Variants in CBLN2 observed in about 807,000 individuals in gnomAD.
CBLN2 encodes the protein cerebellin-2.
A neutral mutation model predicts 15.0 loss-of-function variants in CBLN2; 7 were observed. The observed-to-expected ratio is 0.47, with a 90% CI of 0.27 to 0.88. The LOEUF (loss-of-function observed/expected upper bound fraction) is 0.88. Ranked by LOEUF, CBLN2 falls within the 40% of genes least tolerant of loss-of-function variation. CBLN2 has a pLI of 0.14. For synonymous variants in CBLN2, 149 were observed against 135.2 expected, an observed-to-expected ratio of 1.10 and a Z score of -0.71; for missense variants, 242 against 304.5, an observed-to-expected ratio of 0.79 and a Z score of 1.53.
intron 1 of CBLN2, among the ~76,000 whole-genome samples, chr18:72,579,245 CTAA>C (rs1481996784): frequency 1.3e-5 from 2 of 152,182 alleles, no homozygotes; most frequent in Non-Finnish European, 2.9e-5. Context: ...AGAATTCCCA[CTAA>C]TGTTTTCAAA....
At chr18:72,593,828 G>C (rs955395030) in intron 1 of CBLN2, among the ~76,000 whole-genome samples, 1 of 152,116 alleles carries the variant, frequency 6.6e-6, no homozygotes. Flanking sequence ...CATATGTCAT[G>C]CATGCATAAG....
chr18:72,589,582 A>C (rs2069465931), intron 1 of CBLN2, among the ~76,000 whole-genome samples: 1 of 152,196 alleles, frequency 6.6e-6, no homozygotes. Context: ...CAGCCTAGGG[A>C]TATTAAATAA....
At chr18:72,603,612 A>G (rs75634451) in intron 1 of CBLN2, among the ~76,000 whole-genome samples, 1,815 of 152,262 alleles carry the variant, frequency 0.012, 41 homozygotes, top group African/African-American at 0.041. Flanking sequence ...TTTTCATAGA[A>G]TGTGCCTTTC....
rs567430472 is a variant in CBLN2 at position 72,583,339 on chromosome 18, C to T, written c.16-44567G>A. ...AGCTCATGTTGAACAAAAGCAGCGG[C>T]TCTTTCTTGGTTTTCTAGAGCAGAG... On this transcript the variant is annotated intron_variant, in intron 1 of 2. Transcript: ENST00000581073. Among the ~76,000 whole-genome samples the T allele has an allele frequency of 2.0e-5, 3 of 152,288 alleles. No homozygotes were observed. The East Asian group carries it at 5.8e-4, about 30-fold the overall frequency.
chr18:72,618,695 A>G (rs1397564141), intron 1 of CBLN2: 7 of 733,630 alleles, frequency 9.5e-6, no homozygotes, highest in Non-Finnish European at 1.2e-5. Flanking sequence ...GGCAGTGGCA[A>G]GAAAAGGCGC....
At chr18:72,622,134 T>C (rs1259401702) in intron 1 of CBLN2, among the ~76,000 whole-genome samples, 1 of 152,208 alleles carries the variant, frequency 6.6e-6, no homozygotes, top group Non-Finnish European at 1.5e-5. Flanking sequence ...GAAACATTTT[T>C]AAACGAAATA....
chr18:72,564,350 A>G (rs1343738496), intron 1 of CBLN2, among the ~76,000 whole-genome samples: 1 of 152,182 alleles, frequency 6.6e-6, no homozygotes, highest in Non-Finnish European at 1.5e-5. Context: ...ACAAAGGGAT[A>G]TCATAAAAAG....
chr18:72,552,050 C>T (rs773410867), intron 1 of CBLN2, among the ~76,000 whole-genome samples: 1 of 150,972 alleles, frequency 6.6e-6, no homozygotes, highest in Non-Finnish European at 1.5e-5. Flanking sequence ...GTTTTGTCAG[C>T]GTTTTCTGAA....
At chr18:72,619,841 A>T (rs1056660618) in intron 1 of CBLN2, among the ~76,000 whole-genome samples, 1 of 152,150 alleles carries the variant, frequency 6.6e-6, no homozygotes. Context: ...CCTTAATGGG[A>T]TTTGTGACAG....
chr18:72,582,867 T>C (rs2069415051), intron 1 of CBLN2, among the ~76,000 whole-genome samples: 1 of 152,186 alleles, frequency 6.6e-6, no homozygotes, highest in Non-Finnish European at 1.5e-5. Flanking sequence ...GGAATTACAA[T>C]GCTTAATTTA....
intron 1 of CBLN2, among the ~76,000 whole-genome samples, chr18:72,623,100 G>C (rs1599027907): frequency 2.0e-5 from 3 of 152,252 alleles, no homozygotes; most frequent in African/African-American, 7.2e-5. Flanking sequence ...AGAGAGCGAA[G>C]GGGGAGGTGC....
chr18:72,566,491 C>A (rs1023662806), intron 1 of CBLN2, among the ~76,000 whole-genome samples: 1 of 152,070 alleles, frequency 6.6e-6, no homozygotes, highest in Non-Finnish European at 1.5e-5. Context: ...AGGATGAAAT[C>A]CTGTCATTTG....
At chr18:72,621,746 G>A (rs971400795) in intron 1 of CBLN2, among the ~76,000 whole-genome samples, 18 of 152,128 alleles carry the variant, frequency 1.2e-4, no homozygotes, top group African/African-American at 4.1e-4. Flanking sequence ...CTCAACAAAG[G>A]AGACTGTATC....
At chr18:72,633,967 G>T (rs1021457744) in intron 1 of CBLN2, among the ~76,000 whole-genome samples, 2 of 151,872 alleles carry the variant, frequency 1.3e-5, no homozygotes, top group African/African-American at 4.8e-5. Flanking sequence ...TCACACAGGG[G>T]ACAAACTAAA....
chr18:72,607,116 G>A (rs1212956350), intron 1 of CBLN2, among the ~76,000 whole-genome samples: 1 of 152,170 alleles, frequency 6.6e-6, no homozygotes, highest in African/African-American at 2.4e-5. Context: ...ATGGTTACAG[G>A]AGAACACCCT....
At chr18:72,579,131 A>G (rs2069386998) in intron 1 of CBLN2, among the ~76,000 whole-genome samples, 1 of 152,204 alleles carries the variant, frequency 6.6e-6, no homozygotes. Context: ...TGACACCACT[A>G]ATTGAACTGC....
At chr18:72,601,532 G>A (rs1017212482) in intron 1 of CBLN2, among the ~76,000 whole-genome samples, 3 of 152,144 alleles carry the variant, frequency 2.0e-5, no homozygotes, top group Non-Finnish European at 2.9e-5. Context: ...AGGAGTGGAG[G>A]CGCCTGTTAG....
chr18:72,615,997 A>C (rs2069659001), intron 1 of CBLN2, among the ~76,000 whole-genome samples: 2 of 152,264 alleles, frequency 1.3e-5, no homozygotes, highest in South Asian at 2.1e-4. Context: ...TTTAACAGTA[A>C]AAAAAAGCTT....
intron 1 of CBLN2, among the ~76,000 whole-genome samples, chr18:72,553,807 A>T (rs2069206755): frequency 6.6e-6 from 1 of 152,216 alleles, no homozygotes; most frequent in Non-Finnish European, 1.5e-5. Flanking sequence ...AACATTATAG[A>T]GTGACAAAAA....
Sources: allele counts gnomAD v4.1 joint callset (sites outside exome capture counted in the v4.1 genomes callset), GRCh38; gene constraint gnomAD v4.1.1; transcripts MANE v1.5; gene names NCBI Gene and HGNC (gene_info 2026-07-23, HGNC 2026-07-21).